Variants in UCP3 observed in about 807,000 individuals in gnomAD.
UCP3 encodes putative mitochondrial transporter UCP3.
UCP3 carries 24 observed loss-of-function variants against 28.1 expected under a neutral mutation model. The ratio of observed to expected loss-of-function variants is 0.85; its 90% confidence interval spans 0.62 to 1.20. The LOEUF (loss-of-function observed/expected upper bound fraction) is 1.20, where lower values mean the gene tolerates loss of function less well. UCP3 is among the 50% of genes most tolerant of loss of function. The pLI is 0.00. For missense variants in UCP3, 397 were observed against 422.2 expected (o/e 0.94, Z 0.52); for synonymous variants, 184 against 171.2 (o/e 1.07, Z -0.59).
rs1330345431 is a variant in UCP3, at chr11:74,005,819, C to G, written c.452G>C (p.Gly151Ala). 2 of 1,614,154 alleles carry G rather than the reference C, an allele frequency of 1.2e-6. No individual in the cohort carries two copies. The highest frequency in any genetic ancestry group is 1.7e-6 in the Non-Finnish European group (2 of 1,180,026). Residue 151 changes from glycine to alanine, a missense_variant, in exon 4 of 7, where the codon GGG (glycine) becomes GCG (alanine). Gly to Ala is a moderately conservative substitution (Grantham distance 60). Transcript: ENST00000314032. ...KVRFQASIHLGPSRSDRKYSG... is the reference protein window; with the variant it reads ...KVRFQASIHLAPSRSDRKYSG... Reference sequence around the variant, plus strand: ...GTATTTTCTGTCGCTCCTGGATGGCCCGAGGTGTATGCTGGCCTGAAATCG... The same window carrying G: ...GTATTTTCTGTCGCTCCTGGATGGCGCGAGGTGTATGCTGGCCTGAAATCG...
chr11:74,004,431 T>C, intron 5 of UCP3, 53 bp downstream of exon 5: 2 of 1,567,342 alleles, frequency 1.3e-6, no homozygotes, highest in Non-Finnish European at 1.8e-6. Flanking sequence ...CACGGAGTTC[T>C]GGGTTCCCTC....
Position 74,006,276 on chromosome 11 carries a change from G to A in UCP3, c.230C>T (p.Pro77Leu). The change falls in exon 3 of 7, where the codon CCC becomes CTC. Residue 77 changes from proline to leucine, a missense_variant. Coordinates refer to ENST00000314032, the MANE Select transcript of UCP3 (RefSeq NM_003356.4). ...CAGGCCGGCCACCAGCCCATTGTAG[G>A]GGCTGCAGGGACCCTCAGTCCGCAC... is the stretch of plus-strand genomic sequence containing the variant. The part of the protein sequence containing the change: ...TMVRTEGPCS[P>L]YNGLVAGLQR... The A allele has an allele frequency of 6.2e-7, 1 of 1,613,406 alleles. No homozygotes were observed. The highest frequency in any genetic ancestry group is 8.5e-7 in the Non-Finnish European group (1 of 1,179,972).
chr11:74,003,880 G>C lies in UCP3; in HGVS notation c.771C>G (p.Leu257=). ...GGGCCACCATCTTTATCATACAGTC[G>C]AGGGGGCTGAAGTACTGGCCTGGAG... The part of the protein sequence containing the change: ...NSPPGQYFSP[L]DCMIKMVAQE... The change falls in exon 6 of 7, where the codon CTC becomes CTG. Residue 257 remains leucine (L), a synonymous_variant. Transcript: ENST00000314032. The C allele has an allele frequency of 6.2e-7, 1 of 1,614,080 alleles. No individual in the cohort carries two copies. The highest frequency in any genetic ancestry group is 8.5e-7 in the Non-Finnish European group (1 of 1,180,010).
At position 74,000,566 on chromosome 11, in the gene UCP3, T is replaced by G. The variant is rs1253114359; in HGVS notation, c.*846A>C. The G allele has an allele frequency of 1.3e-5, 2 of 152,356 alleles. No homozygotes were observed. The highest frequency in any genetic ancestry group is 2.9e-5 in the Non-Finnish European group (2 of 68,138). The allele number at this position is 152,356 out of a possible 1,614,324, so 9.4% of individuals were successfully genotyped here. On this transcript the variant is annotated 3_prime_UTR_variant, in exon 7 of 7. Transcript: ENST00000314032. The stretch of plus-strand genomic sequence containing the variant: ...TCTAGACAACCGTATCTTTCAAACC[T>G]TCTTCCCTGGCAACTCCTCTCTGTC...
In UCP3 at chr11:74,005,745, T is replaced by C; in HGVS notation, c.526A>G (p.Arg176Gly). 6.2e-7 allele frequency: 1 copy of C among 1,614,160 alleles called. No individual in the cohort carries two copies. Among genetic ancestry groups the C allele is most frequent in the Non-Finnish European group, 8.5e-7 (1 of 1,180,016 alleles). ...CCAGACCTACCTTTCCACAGGCCCC[T>C]GACTCCTTCCTCCCTGGCGATGGTT... is the stretch of plus-strand genomic sequence containing the variant. The part of the protein sequence containing the change: ...YRTIAREEGV[R>G]GLWKGTLPNI... Residue 176 changes from arginine to glycine, a missense_variant, in exon 4 of 7, where the codon AGG becomes GGG. Physicochemically the swap from Arg to Gly is moderately radical, Grantham distance 125 (BLOSUM62 -2). Transcript: ENST00000314032.
intron 4 of UCP3, 104 bp from the exon 5 acceptor site, chr11:74,004,689 G>C: frequency 9.1e-7 from 1 of 1,094,480 alleles, no homozygotes; most frequent in Admixed American, 2.0e-5. Context: ...CCCCAGTTTT[G>C]GGGCCATAGT....
rs776020758 is a variant in UCP3 at position 74,006,330 on chromosome 11, C to A, written c.176G>T (p.Arg59Leu). ...GGTCAGGATGGTGCCCAGCACGCCACGGTACTGCACGAGCCGGGCCGTCTG... is the reference window on the plus strand; with the variant it reads ...GGTCAGGATGGTGCCCAGCACGCCAAGGTACTGCACGAGCCGGGCCGTCTG... ...AVQTARLVQY[R>L]GVLGTILTMV... Residue 59 changes from arginine (R) to leucine (L), a missense_variant, in exon 3 of 7, where the codon CGT (arginine) becomes CTT (leucine). Arg to Leu is a moderately radical substitution (Grantham distance 102). Coordinates refer to ENST00000314032, the MANE Select transcript of UCP3 (RefSeq NM_003356.4). 1 of 1,598,102 alleles carries A rather than the reference C, an allele frequency of 6.3e-7. No individual in the cohort carries two copies. Among genetic ancestry groups the A allele is most frequent in the South Asian group, 1.1e-5 (1 of 90,472 alleles).
intron 4 of UCP3, 129 bp downstream of exon 4, chr11:74,005,601 T>C (rs1951657694): frequency 9.4e-7 from 1 of 1,068,356 alleles, no homozygotes; most frequent in Non-Finnish European, 1.4e-6. Context: ...GTATCTTTGG[T>C]TGTGATGTTC....
At chr11:74,003,654 G>A in intron 6 of UCP3, 173 bp downstream of exon 6, 1 of 1,451,146 alleles carries the variant, frequency 6.9e-7, no homozygotes, top group Non-Finnish European at 9.0e-7. Flanking sequence ...CTCCCCATCA[G>A]GTATGGTTCA....
chr11:74,008,777 C>T (rs569117370), intron 1 of UCP3, among the ~76,000 whole-genome samples: 1 of 152,132 alleles, frequency 6.6e-6, no homozygotes, highest in African/African-American at 2.4e-5. Context: ...CAAGCCCCAG[C>T]CCTGCCACAG....
chr11:74,005,313 C>T (rs893108254), intron 4 of UCP3, among the ~76,000 whole-genome samples: 3 of 152,166 alleles, frequency 2.0e-5, no homozygotes, highest in Non-Finnish European at 2.9e-5. Context: ...TTGAGGGCCC[C>T]TCCCCTTCCG....
intron 6 of UCP3, chr11:74,003,070 T>G (rs991320189): frequency 2.1e-6 from 1 of 470,154 alleles, no homozygotes; most frequent in South Asian, 9.1e-5. Flanking sequence ...TACTACCCAG[T>G]TCAAGGGGCT....
chr11:74,003,423 C>T, intron 6 of UCP3: 2 of 986,306 alleles, frequency 2.0e-6, no homozygotes, highest in Non-Finnish European at 2.4e-6. Flanking sequence ...CTAAAATTGA[C>T]AGCCTGTAGA....
At chr11:74,005,164 C>T (rs1223380631) in intron 4 of UCP3, among the ~76,000 whole-genome samples, 1 of 152,092 alleles carries the variant, frequency 6.6e-6, no homozygotes, top group Admixed American at 6.5e-5. Context: ...GTCCTGCATT[C>T]ATCGCAGTGG....
At position 74,005,866 on chromosome 11, in the gene UCP3, C is replaced by A. The variant is rs1951660613; in HGVS notation, c.405G>T (p.Gln135His). ...TTGAMAVTCA[Q>H]PTDVVKVRFQ... ...ATCGGACCTTCACCACATCTGTGGG[C>A]TGGGCACAGGTCACCGCCATGGCTC... Residue 135 changes from glutamine to histidine, a missense_variant, in exon 4 of 7, where the codon CAG (glutamine) becomes CAT (histidine). Gln to His is a conservative substitution (Grantham distance 24). Coordinates refer to ENST00000314032, the MANE Select transcript of UCP3 (RefSeq NM_003356.4). 15 of 1,614,072 alleles carry A rather than the reference C, an allele frequency of 9.3e-6. No homozygotes were observed. Among genetic ancestry groups the A allele is most frequent in the Non-Finnish European group, 1.3e-5 (15 of 1,180,040 alleles).
chr11:74,003,035 T>C (rs1207608462), intron 6 of UCP3: 1 of 796,124 alleles, frequency 1.3e-6, no homozygotes, highest in Non-Finnish European at 1.5e-6. Flanking sequence ...TGACACTCAG[T>C]CTTTTCCTTA....
Position 74,005,827 on chromosome 11 carries a change from T to C in UCP3, c.444A>G (p.Ile148Met), listed in dbSNP as rs1951660037. The change falls in exon 4 of 7, where the codon ATA becomes ATG. Residue 148 changes from isoleucine (I) to methionine (M), a missense_variant. Coordinates refer to ENST00000314032, the MANE Select transcript of UCP3 (RefSeq NM_003356.4). The part of the protein sequence containing the change: ...DVVKVRFQAS[I>M]HLGPSRSDRK... Reference sequence around the variant, plus strand: ...TGTCGCTCCTGGATGGCCCGAGGTGTATGCTGGCCTGAAATCGGACCTTCA... The same window carrying C: ...TGTCGCTCCTGGATGGCCCGAGGTGCATGCTGGCCTGAAATCGGACCTTCA... 1 of 1,614,024 alleles carries C rather than the reference T, an allele frequency of 6.2e-7. No individual in the cohort carries two copies. The highest frequency in any genetic ancestry group is 1.1e-5 in the South Asian group (1 of 91,092).
At chr11:74,007,276 A>C in intron 1 of UCP3, 139 bp from the exon 2 acceptor site, 2 of 559,642 alleles carry the variant, frequency 3.6e-6, no homozygotes, top group Non-Finnish European at 6.4e-6. Flanking sequence ...TTGGCCTATA[A>C]AAACAGGTCA....
At chr11:74,007,557 G>A (rs902132860) in intron 1 of UCP3, among the ~76,000 whole-genome samples, 8 of 151,996 alleles carry the variant, frequency 5.3e-5, no homozygotes, top group African/African-American at 1.9e-4. Context: ...TCAGCCTCCC[G>A]AGTAGCTGGG....
Sources: gnomAD v4.1 joint callset for allele counts (sites outside exome capture counted in the v4.1 genomes callset) on GRCh38, gnomAD v4.1.1 for gene constraint, MANE v1.5 for transcripts, NCBI Gene and HGNC (gene_info 2026-07-23, HGNC 2026-07-21) for gene names.